POU6F2: variants seen among roughly 807,000 people sequenced by gnomAD.
POU6F2 encodes POU class 6 homeobox 2.
Under a neutral mutation model 71.3 loss-of-function variants are expected in POU6F2, and 31 were observed. The ratio of observed to expected loss-of-function variants is 0.43; its 90% CI spans 0.33 to 0.59. The LOEUF (loss-of-function observed/expected upper bound fraction) is 0.59, where lower values mean the gene tolerates loss of function less well. Among genes scored for constraint, POU6F2 ranks in the 20% least tolerant of loss-of-function variants. The pLI is 0.04. For synonymous variants in POU6F2, 347 were observed against 355.7 expected (o/e 0.98, Z 0.27); for missense variants, 783 against 856.8 (o/e 0.91, Z 1.07).
chr7:39,165,475 C>T (rs375624738), intron 2 of POU6F2, among the ~76,000 whole-genome samples: 142 of 152,222 alleles, frequency 9.3e-4, no homozygotes, highest in Non-Finnish European at 1.5e-3. Flanking sequence ...TTTCAAAAGT[C>T]GTCAAATAAG....
intron 2 of POU6F2, among the ~76,000 whole-genome samples, chr7:39,187,229 G>A (rs561496340): frequency 3.3e-5 from 5 of 152,162 alleles, no homozygotes; most frequent in Admixed American, 6.5e-5. Flanking sequence ...GTGGAGACAG[G>A]CAATCCGCCC....
chr7:39,110,712 T>C (rs1791790127), intron 2 of POU6F2, among the ~76,000 whole-genome samples: 1 of 152,216 alleles, frequency 6.6e-6, no homozygotes, highest in Non-Finnish European at 1.5e-5. Flanking sequence ...AATCAAAAGA[T>C]GTTATATAAT....
intron 5 of POU6F2, among the ~76,000 whole-genome samples, chr7:39,389,613 G>T (rs963316815): frequency 6.6e-6 from 1 of 152,106 alleles, no homozygotes; most frequent in Non-Finnish European, 1.5e-5. Context: ...AGGACCAAAT[G>T]TAAATTTGCT....
At chr7:39,360,543 CGTTTT>C (rs1786358271) in intron 5 of POU6F2, among the ~76,000 whole-genome samples, 2 of 152,114 alleles carry the variant, frequency 1.3e-5, no homozygotes, top group Admixed American at 1.3e-4. Flanking sequence ...GTAGGGCACT[CGTTTT>C]GTTACCAGAA....
chr7:39,050,307 G>A (rs888224984), intron 1 of POU6F2, among the ~76,000 whole-genome samples: 2 of 152,010 alleles, frequency 1.3e-5, no homozygotes, highest in African/African-American at 2.4e-5. Context: ...CTTCAAGCCA[G>A]CAAAATCTCC....
chr7:39,029,497 G>T (rs1401290550), intron 1 of POU6F2, among the ~76,000 whole-genome samples: 2 of 151,704 alleles, frequency 1.3e-5, no homozygotes, highest in African/African-American at 4.8e-5. Flanking sequence ...TCTGGGAGGG[G>T]GGGGTGGATG....
chr7:39,339,593 G>A, intron 4 of POU6F2, 49 bp from the exon 5 acceptor site: 1 of 1,536,028 alleles, frequency 6.5e-7, no homozygotes, highest in Non-Finnish European at 8.7e-7. Flanking sequence ...GACCCAGCAA[G>A]ACACTTTGTC....
chr7:39,096,835 G>A (rs994323339), intron 2 of POU6F2, among the ~76,000 whole-genome samples: 2 of 152,186 alleles, frequency 1.3e-5, no homozygotes, highest in Non-Finnish European at 2.9e-5. Context: ...CGTTTAGCAA[G>A]TGAACATAAA....
intron 1 of POU6F2, among the ~76,000 whole-genome samples, chr7:39,063,722 AT>A (rs940588788): frequency 1.8e-4 from 27 of 152,034 alleles, no homozygotes; most frequent in South Asian, 1.2e-3. Context: ...TATCTTGGTC[AT>A]TTTTTTTAAA....
At chr7:39,161,085 C>A (rs929546268) in intron 2 of POU6F2, among the ~76,000 whole-genome samples, 1 of 152,060 alleles carries the variant, frequency 6.6e-6, no homozygotes, top group African/African-American at 2.4e-5. Flanking sequence ...GAAGCCAATG[C>A]ACAAGGGTAA....
chr7:39,391,674 G>A (rs1158473651), intron 5 of POU6F2, among the ~76,000 whole-genome samples: 1 of 152,168 alleles, frequency 6.6e-6, no homozygotes, highest in African/African-American at 2.4e-5. Context: ...CTCTTGCAAA[G>A]CGACAACCAA....
intron 5 of POU6F2, among the ~76,000 whole-genome samples, chr7:39,380,184 T>TG (rs1786798353): frequency 6.6e-6 from 1 of 152,032 alleles, no homozygotes; most frequent in Non-Finnish European, 1.5e-5. Flanking sequence ...TAAAAAATTC[T>TG]CTTTTATTTG....
Position 39,444,524 on chromosome 7 carries a change from C to T in POU6F2, c.1321-7009C>T, listed in dbSNP as rs572959889. ...ACTTGAGTCTGGGAGGCAGAGGTTG[C>T]GGTGACCCGAGATCGCACCACTGCA... On this transcript the variant is annotated intron_variant, in intron 7 of 9. Transcript: ENST00000518318. Among the ~76,000 whole-genome samples the T allele has an allele frequency of 4.1e-4, 63 of 152,330 alleles. No individual in the cohort carries two copies. In the South Asian group the frequency reaches 0.012, roughly 30 times the overall value.
chr7:39,006,856 G>T, intron 1 of POU6F2: 1 of 1,613,648 alleles, frequency 6.2e-7, no homozygotes, highest in South Asian at 1.1e-5. Context: ...GCAAATGAGT[G>T]CTCTTCTTCA....
At chr7:39,392,382 A>T (rs1367923981) in intron 5 of POU6F2, among the ~76,000 whole-genome samples, 1 of 152,200 alleles carries the variant, frequency 6.6e-6, no homozygotes, top group Non-Finnish European at 1.5e-5. Context: ...GGTGAAGCTG[A>T]TGTGATTCAT....
At chr7:39,319,077 A>G (rs2128768540) in intron 4 of POU6F2, among the ~76,000 whole-genome samples, 1 of 152,314 alleles carries the variant, frequency 6.6e-6, no homozygotes, top group Non-Finnish European at 1.5e-5. Flanking sequence ...GGCTGGAGTG[A>G]GCCATGATCA....
intron 5 of POU6F2, among the ~76,000 whole-genome samples, chr7:39,388,976 G>A (rs140635816): frequency 4.0e-4 from 61 of 152,154 alleles, no homozygotes; most frequent in African/African-American, 1.2e-3. Context: ...CATTTCTTGG[G>A]CTTATTTACC....
At chr7:39,250,512 G>A (rs898049886) in intron 4 of POU6F2, among the ~76,000 whole-genome samples, 2 of 152,068 alleles carry the variant, frequency 1.3e-5, no homozygotes, top group Non-Finnish European at 2.9e-5. Flanking sequence ...ACCTACTTTG[G>A]CCCTGTTTGA....
At chr7:39,395,116 T>C (rs1180140822) in intron 5 of POU6F2, among the ~76,000 whole-genome samples, 1 of 152,132 alleles carries the variant, frequency 6.6e-6, no homozygotes, top group Admixed American at 6.5e-5. Flanking sequence ...GTCTCCAAGG[T>C]GATTATTCTA....
Sources: allele counts gnomAD v4.1 joint callset (sites outside exome capture counted in the v4.1 genomes callset), GRCh38; gene constraint gnomAD v4.1.1; transcripts MANE v1.5; gene names NCBI Gene and HGNC (gene_info 2026-07-23, HGNC 2026-07-21).